Variants in CDH18 observed in about 807,000 individuals in gnomAD.
CDH18 encodes cadherin-18.
A neutral mutation model predicts 67.9 loss-of-function variants in CDH18; 31 were observed. That is an observed-to-expected ratio of 0.46 (90% CI 0.34 to 0.62). The LOEUF is 0.62. Among genes scored for constraint, CDH18 ranks in the 20% least tolerant of loss-of-function variants. The pLI, the probability that CDH18 is intolerant of heterozygous loss-of-function variation, is 0.01. For synonymous variants in CDH18, 362 were observed against 347.2 expected, an observed-to-expected ratio of 1.04 and a Z score of -0.48; for missense variants, 890 against 975.5, an observed-to-expected ratio of 0.91 and a Z score of 1.17.
chr5:20,236,012 A>G (rs2126524036), intron 2 of CDH18, among the ~76,000 whole-genome samples: 1 of 152,310 alleles, frequency 6.6e-6, no homozygotes, highest in East Asian at 1.9e-4. Context: ...GTTCTCACTT[A>G]CAACTGAAAG....
intron 2 of CDH18, among the ~76,000 whole-genome samples, chr5:19,863,952 T>C (rs968946367): frequency 6.6e-6 from 1 of 151,928 alleles, no homozygotes; most frequent in East Asian, 1.9e-4. Context: ...AGTTCAACCA[T>C]TGTGGAAGTC....
At chr5:20,493,356 T>TA (rs148292031) in intron 1 of CDH18, among the ~76,000 whole-genome samples, 1,668 of 47,170 alleles carry the variant, frequency 0.035, 166 homozygotes, top group African/African-American at 0.13. Context: ...TTCAGAAAAT[T>TA]AAAAAAAAAA....
At chr5:20,077,058 T>A (rs1744007291) in intron 2 of CDH18, among the ~76,000 whole-genome samples, 2 of 152,184 alleles carry the variant, frequency 1.3e-5, no homozygotes, top group African/African-American at 4.8e-5. Flanking sequence ...GACCATCTTC[T>A]TGTGCCCTTG....
chr5:19,651,014 T>C (rs1297813873), intron 5 of CDH18, among the ~76,000 whole-genome samples: 1 of 151,994 alleles, frequency 6.6e-6, no homozygotes, highest in Admixed American at 6.6e-5. Context: ...AAGAGTACAT[T>C]TAGTAAGCTA....
chr5:19,660,001 A>T (rs975476345), intron 5 of CDH18, among the ~76,000 whole-genome samples: 1 of 152,146 alleles, frequency 6.6e-6, no homozygotes, highest in Non-Finnish European at 1.5e-5. Context: ...CTTATAACAA[A>T]ATCACAAGCT....
chr5:19,779,282 T>C (rs1774807607), intron 3 of CDH18, among the ~76,000 whole-genome samples: 1 of 152,200 alleles, frequency 6.6e-6, no homozygotes, highest in Admixed American at 6.5e-5. Context: ...AGTTGAATAA[T>C]GTCCCAGATT....
chr5:19,723,999 C>T (rs1314597879), intron 4 of CDH18, among the ~76,000 whole-genome samples: 1 of 152,094 alleles, frequency 6.6e-6, no homozygotes, highest in African/African-American at 2.4e-5. Flanking sequence ...TGTGAGCCAC[C>T]GCGCCCAGCC....
At chr5:20,305,294 T>A in intron 1 of CDH18, 3 of 1,513,896 alleles carry the variant, frequency 2.0e-6, no homozygotes, top group Non-Finnish European at 2.8e-6. Context: ...CCTCCTCTAC[T>A]GTCAGATTCG....
intron 9 of CDH18, among the ~76,000 whole-genome samples, chr5:19,534,329 T>C (rs1288339057): frequency 6.6e-6 from 1 of 152,166 alleles, no homozygotes; most frequent in Non-Finnish European, 1.5e-5. Flanking sequence ...ACATTTTTAA[T>C]GGCTATGTAA....
At chr5:20,174,041 T>C (rs1737045012) in intron 2 of CDH18, among the ~76,000 whole-genome samples, 1 of 152,188 alleles carries the variant, frequency 6.6e-6, no homozygotes, top group Non-Finnish European at 1.5e-5. Flanking sequence ...AGAATTTATT[T>C]TAAAAGTAGT....
chr5:19,933,764 A>AT (rs1299613642), intron 2 of CDH18, among the ~76,000 whole-genome samples: 1 of 151,394 alleles, frequency 6.6e-6, no homozygotes, highest in African/African-American at 2.4e-5. Context: ...TTTCTGGCAC[A>AT]TTTTAGCGTC....
intron 11 of CDH18, among the ~76,000 whole-genome samples, chr5:19,487,576 C>G (rs60264494): frequency 0.12 from 17,776 of 152,090 alleles, 1,136 homozygotes; most frequent in African/African-American, 0.16. Flanking sequence ...AACTTTTTAT[C>G]TTTTTCATTA....
intron 6 of CDH18, among the ~76,000 whole-genome samples, chr5:19,594,380 T>C (rs2150041019): frequency 6.6e-6 from 1 of 152,274 alleles, no homozygotes; most frequent in South Asian, 2.1e-4. Flanking sequence ...CTTGAACTCC[T>C]GACCTCGTGA....
rs1743776772 is a variant in CDH18, at chr5:20,250,590, T to TTTC, written c.-518+4853_-518+4854insGAA. Among the ~76,000 whole-genome samples the TTTC allele has an allele frequency of 6.8e-4, 6 of 8,870 alleles. No individual in the cohort carries two copies. In the South Asian group the frequency reaches 0.035, roughly 52 times the overall value. The allele number at this position is 8,870 out of a possible 152,430, so 5.8% of individuals were successfully genotyped here. On this transcript the variant is annotated intron_variant, in intron 2 of 14. Transcript: ENST00000507958. ...ACAGGCGTGAGCCACGGCCCATGGC[T>TTTC]TTTTTTTTTTTTTTTTTTTTTTTTT...
intron 5 of CDH18, among the ~76,000 whole-genome samples, chr5:19,713,160 C>CA (rs1764930083): frequency 1.3e-5 from 2 of 149,234 alleles, no homozygotes; most frequent in East Asian, 2.0e-4. Context: ...AGCGAGGTCA[C>CA]AAAAAAAAGA....
intron 1 of CDH18, among the ~76,000 whole-genome samples, chr5:20,453,833 A>T (rs1189136781): frequency 6.6e-6 from 1 of 152,102 alleles, no homozygotes; most frequent in South Asian, 2.1e-4. Flanking sequence ...AACAATAAAC[A>T]GTCCTGCTTC....
At chr5:19,520,505 T>G in intron 10 of CDH18, 152 bp downstream of exon 10, 1 of 614,682 alleles carries the variant, frequency 1.6e-6, no homozygotes, top group Non-Finnish European at 2.5e-6. Context: ...CTCCAAAAAT[T>G]ATTTGGTACT....
chr5:19,967,869 G>A lies in CDH18; in HGVS notation c.-257+13191C>T, dbSNP rs191885179. Among the ~76,000 whole-genome samples, 1,103 of 152,096 alleles carry A rather than the reference G, an allele frequency of 7.3e-3. 15 individuals carry two copies. Among genetic ancestry groups the A allele is most frequent in the African/African-American group, 0.025 (1,054 of 41,468 alleles). On this transcript the variant is annotated intron_variant, in intron 2 of 12. Transcript: ENST00000382275. ...AATTAGGCAGGAGAAGGAAATAAAG[G>A]GTTTTCAATTAGGAAAAGAGGAAGT...
chr5:19,941,603 G>A (rs56135093), intron 2 of CDH18, among the ~76,000 whole-genome samples: 4 of 151,708 alleles, frequency 2.6e-5, no homozygotes, highest in East Asian at 1.9e-4. Context: ...GCAACATAGC[G>A]AGACCCCCAT....
Sources: gnomAD v4.1 joint callset for allele counts (sites outside exome capture counted in the v4.1 genomes callset) on GRCh38, gnomAD v4.1.1 for gene constraint, MANE v1.5 for transcripts, NCBI Gene and HGNC (gene_info 2026-07-23, HGNC 2026-07-21) for gene names.